PRKACA: variants seen among roughly 807,000 people sequenced by gnomAD.
PRKACA encodes the protein cAMP-dependent protein kinase catalytic subunit alpha.
Under a neutral mutation model 45.8 loss-of-function variants are expected in PRKACA, and 9 were observed. The observed-to-expected ratio is 0.20, with a 90% CI of 0.12 to 0.34. The LOEUF (loss-of-function observed/expected upper bound fraction) is 0.34. Ranked by LOEUF, PRKACA falls within the 10% of genes least tolerant of loss-of-function variation. The probability of loss-of-function intolerance (pLI) is 1.00; values close to 1 mark genes in which losing one functional copy is unlikely to be tolerated. For missense variants in PRKACA, 238 were observed against 458.6 expected (o/e 0.52, Z 4.39); for synonymous variants, 160 against 178.6 (o/e 0.90, Z 0.83).
At chr19:14,115,866 G>A (rs970629485) in intron 1 of PRKACA, among the ~76,000 whole-genome samples, 2 of 151,636 alleles carry the variant, frequency 1.3e-5, no homozygotes, top group African/African-American at 4.9e-5. Flanking sequence ...CTGGGGGCCT[G>A]ACTCCTCCCC....
At chr19:14,098,906 T>C (rs935767173) in intron 5 of PRKACA, among the ~76,000 whole-genome samples, 4 of 152,028 alleles carry the variant, frequency 2.6e-5, no homozygotes, top group Non-Finnish European at 5.9e-5. Context: ...TAGGTAGCTA[T>C]ATACAACTGT....
Position 14,093,019 on chromosome 19 carries a change from G to A in PRKACA, c.*93C>T. 1 of 1,370,930 alleles carries A rather than the reference G, an allele frequency of 7.3e-7. No homozygotes were observed. 84.9% of individuals were successfully genotyped at this position (1,370,930 alleles called of 1,614,324 possible). A position where few individuals can be genotyped will look rare whatever the true frequency, so the allele number is the denominator to read the frequency against. ...GTGAAATTAGATGCAAGGAACTCTG[G>A]GGCCCTCTGGCTGTTCAATCCAACC... is the stretch of plus-strand genomic sequence containing the variant. On this transcript the variant is annotated 3_prime_UTR_variant, in exon 10 of 10. Coordinates refer to ENST00000308677, the MANE Select transcript of PRKACA (RefSeq NM_002730.4).
At chr19:14,101,014 C>T (rs1030748292) in intron 4 of PRKACA, 106 bp from the exon 5 acceptor site, 3 of 931,104 alleles carry the variant, frequency 3.2e-6, no homozygotes, top group Admixed American at 1.9e-5. Flanking sequence ...ATGACAACAG[C>T]GATCCTGGCT....
chr19:14,100,959 ATC>A, intron 4 of PRKACA, 51 bp from the exon 5 acceptor site: 1 of 1,539,294 alleles, frequency 6.5e-7, no homozygotes, highest in Non-Finnish European at 9.0e-7. Flanking sequence ...CTTGGACCCG[ATC>A]TGAAGGCCTT....
rs1301823770 is a variant in PRKACA, at chr19:14,092,728, G to T, written c.*384C>A. 9.8e-6 allele frequency: 4 copies of T among 406,128 alleles called. No homozygotes were observed. The East Asian group carries it at 1.4e-4, about 14-fold the overall frequency. The allele number at this position is 406,128 out of a possible 1,614,324, so 25.2% of individuals were successfully genotyped here. A position where few individuals can be genotyped will look rare whatever the true frequency, so the allele number is the denominator to read the frequency against. On this transcript the variant is annotated 3_prime_UTR_variant, in exon 10 of 10. Coordinates refer to ENST00000308677, the MANE Select transcript of PRKACA (RefSeq NM_002730.4). ...GGGTGGGATGGGGGTGTGGGTGGGG[G>T]CTGGAGTTAAGCGTGAGCCCCTCTT...
Position 14,106,802 on chromosome 19 carries a change from C to A in PRKACA, c.195G>T (p.Glu65Asp). 6.2e-7 allele frequency: 1 copy of A among 1,614,214 alleles called. No homozygotes were observed. The highest frequency in any genetic ancestry group is 8.5e-7 in the Non-Finnish European group (1 of 1,180,032). Residue 65 changes from glutamate to aspartate, a missense_variant, in exon 3 of 10, where the codon GAG becomes GAT. By Grantham distance (45) the Glu-to-Asp change is conservative. Coordinates refer to ENST00000308677, the MANE Select transcript of PRKACA (RefSeq NM_002730.4). ...TCTTCATGGCATAGTGGTTCCCGGT[C>A]TCCTTGTGTTTCACCAGCATCACCC... ...FGRVMLVKHKETGNHYAMKIL... is the reference protein window; with the variant it reads ...FGRVMLVKHKDTGNHYAMKIL...
intron 1 of PRKACA, among the ~76,000 whole-genome samples, chr19:14,108,996 G>A (rs1214633468): frequency 6.6e-6 from 1 of 151,112 alleles, no homozygotes; most frequent in African/African-American, 2.4e-5. Flanking sequence ...CCAAAGTGCT[G>A]GGATTACAGG....
At chr19:14,102,287 T>C (rs1214631688) in intron 4 of PRKACA, among the ~76,000 whole-genome samples, 3 of 152,180 alleles carry the variant, frequency 2.0e-5, no homozygotes, top group Non-Finnish European at 4.4e-5. Context: ...AAGCTGGCCC[T>C]GAGTGGCCTT....
At chr19:14,096,184 G>A (rs1490408139) in intron 8 of PRKACA, among the ~76,000 whole-genome samples, 3 of 151,052 alleles carry the variant, frequency 2.0e-5, no homozygotes, top group Non-Finnish European at 4.4e-5. Flanking sequence ...GATTACAGGC[G>A]CCCACCACTA....
At chr19:14,113,600 A>C (rs1967032568) in intron 1 of PRKACA, among the ~76,000 whole-genome samples, 1 of 152,200 alleles carries the variant, frequency 6.6e-6, no homozygotes, top group South Asian at 2.1e-4. Flanking sequence ...CCAGCCACAG[A>C]ACCCCCTTCC....
intron 1 of PRKACA, among the ~76,000 whole-genome samples, chr19:14,114,883 G>C (rs1212689266): frequency 1.3e-5 from 2 of 152,194 alleles, no homozygotes; most frequent in Non-Finnish European, 2.9e-5. Context: ...GGGGACTGCA[G>C]GATGCTTAAC....
chr19:14,114,082 A>G (rs1967048317), intron 1 of PRKACA: 2 of 1,574,458 alleles, frequency 1.3e-6, no homozygotes, highest in Admixed American at 3.5e-5. Flanking sequence ...TCCCTGACTT[A>G]AGGGGCAGAG....
chr19:14,106,735 C>G (rs117798403), intron 3 of PRKACA, 25 bp downstream of exon 3: 34,151 of 1,613,730 alleles, frequency 0.021, 471 homozygotes, highest in Non-Finnish European at 0.025. Context: ...ACAGGCAGGC[C>G]CTGAGCGAGG....
At chr19:14,111,555 G>T (rs1283154760) in intron 1 of PRKACA, among the ~76,000 whole-genome samples, 2 of 152,196 alleles carry the variant, frequency 1.3e-5, no homozygotes, top group Non-Finnish European at 2.9e-5. Context: ...AGGGGCCTGA[G>T]CCTGGGGGTC....
intron 1 of PRKACA, among the ~76,000 whole-genome samples, chr19:14,109,937 CAAAAAAAAAAAAAA>C (rs869056089): frequency 1.1e-4 from 2 of 17,548 alleles, no homozygotes; most frequent in Admixed American, 8.2e-4. Context: ...GACTCTGTCT[CAAAAAAAAAAAAAA>C]AAAAAAAAAA....
At chr19:14,115,155 A>G in intron 1 of PRKACA, 1 of 972,358 alleles carries the variant, frequency 1.0e-6, no homozygotes, top group African/African-American at 1.8e-5. Flanking sequence ...AACGTGTGAC[A>G]TAGTCCCATT....
chr19:14,093,041 A>ATGGGCC lies in PRKACA; in HGVS notation c.*70_*71insGGCCCA. On this transcript the variant is annotated 3_prime_UTR_variant, in exon 10 of 10. Transcript: ENST00000308677. ...CTGGGGCCCTCTGGCTGTTCAATCCAACCCTCCCACCCCCCCGACCAAAAA... is the reference window on the plus strand; with the variant it reads ...CTGGGGCCCTCTGGCTGTTCAATCCATGGGCCACCCTCCCACCCCCCCGACCAAAAA... The ATGGGCC allele has an allele frequency of 4.0e-6, 2 of 500,028 alleles. No homozygotes were observed. The highest frequency in any genetic ancestry group is 7.2e-6 in the Non-Finnish European group (2 of 278,314). 31.0% of individuals were successfully genotyped at this position (500,028 alleles called of 1,614,324 possible).
chr19:14,117,154 T>G (rs1599353453), intron 1 of PRKACA, among the ~76,000 whole-genome samples: 12 of 91,250 alleles, frequency 1.3e-4, no homozygotes, highest in African/African-American at 2.2e-4. Flanking sequence ...GAGAGGTGAG[T>G]GAGGAAGTGG....
chr19:14,107,624 G>C lies in PRKACA; in HGVS notation c.47-215C>G, dbSNP rs563189295. 454 of 1,346,430 alleles carry C rather than the reference G, an allele frequency of 3.4e-4. 2 individuals are homozygous for C. The South Asian group carries it at 4.0e-3, about 12-fold the overall frequency. 83.4% of individuals were successfully genotyped at this position (1,346,430 alleles called of 1,614,324 possible). A position where few individuals can be genotyped will look rare whatever the true frequency, so the allele number is the denominator to read the frequency against. ...CAGCTGCCACTCCATCCAAAGTGGG[G>C]TACAGAGAGTCTCAGGGGTCACTCG... is the stretch of plus-strand genomic sequence containing the variant. On this transcript the variant is annotated intron_variant, in intron 1 of 9. Coordinates refer to ENST00000308677, the MANE Select transcript of PRKACA (RefSeq NM_002730.4).
Sources: gnomAD v4.1 joint callset for allele counts (sites outside exome capture counted in the v4.1 genomes callset) on GRCh38, gnomAD v4.1.1 for gene constraint, MANE v1.5 for transcripts, NCBI Gene and HGNC (gene_info 2026-07-23, HGNC 2026-07-21) for gene names.